OPCML: variants seen among roughly 807,000 people sequenced by gnomAD.
The protein encoded by OPCML is opioid-binding protein/cell adhesion molecule.
In OPCML, 13 loss-of-function variants were observed where a neutral mutation model predicts 37.8. That is an observed-to-expected ratio of 0.34 (90% CI 0.22 to 0.55). The LOEUF (loss-of-function observed/expected upper bound fraction) is 0.55. Among genes scored for constraint, OPCML ranks in the 20% least tolerant of loss-of-function variants. The probability of loss-of-function intolerance (pLI) is 0.91; values close to 1 mark genes in which losing one functional copy is unlikely to be tolerated. For missense variants in OPCML, 341 were observed against 435.6 expected, an observed-to-expected ratio of 0.78 and a Z score of 1.93; for synonymous variants, 176 against 168.8, an observed-to-expected ratio of 1.04 and a Z score of -0.33.
At chr11:132,494,061 G>A (rs1306612985) in intron 4 of OPCML, among the ~76,000 whole-genome samples, 2 of 152,190 alleles carry the variant, frequency 1.3e-5, no homozygotes, top group Admixed American at 6.5e-5. Flanking sequence ...AGCCTTACAG[G>A]CCTTCTGATT....
At chr11:132,549,490 G>A (rs369488008) in intron 3 of OPCML, among the ~76,000 whole-genome samples, 4 of 152,136 alleles carry the variant, frequency 2.6e-5, no homozygotes, top group African/African-American at 4.8e-5. Context: ...CTTTACATTC[G>A]TAATACACTT....
intron 1 of OPCML, among the ~76,000 whole-genome samples, chr11:133,400,845 T>G (rs1321712856): frequency 6.6e-6 from 1 of 152,130 alleles, no homozygotes; most frequent in Non-Finnish European, 1.5e-5. Context: ...AGTAGGTTCC[T>G]GAGAAAGCTG....
intron 2 of OPCML, among the ~76,000 whole-genome samples, chr11:132,924,427 C>A (rs1944921083): frequency 6.6e-6 from 1 of 152,272 alleles, no homozygotes; most frequent in South Asian, 2.1e-4. Context: ...CAGGTGTATA[C>A]CACTGCACCA....
At chr11:132,698,450 A>G (rs111958976) in intron 2 of OPCML, among the ~76,000 whole-genome samples, 2,577 of 152,180 alleles carry the variant, frequency 0.017, 66 homozygotes, top group African/African-American at 0.058. Context: ...ATTTTGAAAA[A>G]TGTCCGTTCA....
At chr11:133,269,473 C>CTGTA (rs1941757872) in intron 1 of OPCML, among the ~76,000 whole-genome samples, 1 of 152,228 alleles carries the variant, frequency 6.6e-6, no homozygotes, top group South Asian at 2.1e-4. Flanking sequence ...TGGTCACATT[C>CTGTA]TGTACCCTAG....
At chr11:132,604,253 A>T (rs1170591812) in intron 3 of OPCML, among the ~76,000 whole-genome samples, 1 of 150,518 alleles carries the variant, frequency 6.6e-6, no homozygotes, top group Middle Eastern at 3.2e-3. Flanking sequence ...GAACCAAATT[A>T]TCCCTTGCTT....
intron 1 of OPCML, among the ~76,000 whole-genome samples, chr11:133,369,593 C>T (rs1312688704): frequency 1.3e-5 from 2 of 152,178 alleles, no homozygotes; most frequent in Admixed American, 6.5e-5. Context: ...TCACAAAGTA[C>T]AGGAGTCATG....
chr11:133,006,492 C>T, intron 1 of OPCML: 1 of 985,406 alleles, frequency 1.0e-6, no homozygotes, highest in Non-Finnish European at 1.2e-6. Flanking sequence ...GTTTTATCTC[C>T]TTAATCATCA....
At chr11:132,438,059 T>C (rs2096019045) in intron 4 of OPCML, among the ~76,000 whole-genome samples, 1 of 152,350 alleles carries the variant, frequency 6.6e-6, no homozygotes, top group Non-Finnish European at 1.5e-5. Flanking sequence ...CTCAATTTGG[T>C]GGAGCTCCCT....
chr11:132,442,258 G>A (rs1299993997), intron 4 of OPCML, among the ~76,000 whole-genome samples: 1 of 152,184 alleles, frequency 6.6e-6, no homozygotes, highest in Non-Finnish European at 1.5e-5. Context: ...GGTGTAGTGA[G>A]TCAAACAGAT....
intron 1 of OPCML, chr11:133,361,661 G>A (rs1184901016): frequency 2.5e-5 from 4 of 159,332 alleles, no homozygotes; most frequent in African/African-American, 9.7e-5. Flanking sequence ...CGGGGCGCCT[G>A]CAGCTACTCC....
At position 132,942,968 on chromosome 11, in the gene OPCML, A is replaced by G. The variant is rs151109734; in HGVS notation, c.104T>C (p.Met35Thr). Residue 35 changes from methionine to threonine, a missense_variant, in exon 2 of 8, where the codon ATG (methionine) becomes ACG (threonine). Coordinates refer to ENST00000524381, the MANE Select transcript of OPCML (RefSeq NM_001012393.5). ...RSGDATFPKA[M>T]DNVTVRQGES... The stretch of plus-strand genomic sequence containing the variant: ...CCCCTGCCGGACCGTCACGTTGTCC[A>G]TAGCTTTGGGGAAGGTGGCATCTCC... The G allele has an allele frequency of 1.9e-6, 3 of 1,613,950 alleles. No individual in the cohort carries two copies. Among genetic ancestry groups the G allele is most frequent in the African/African-American group, 1.3e-5 (1 of 74,910 alleles).
At chr11:132,436,898 C>T (rs1020343036) in intron 5 of OPCML, 119 bp from the exon 6 acceptor site, 3 of 1,476,606 alleles carry the variant, frequency 2.0e-6, no homozygotes, top group Middle Eastern at 2.5e-4. Flanking sequence ...TTTCTTGTGA[C>T]AACCCTCTTT....
chr11:133,155,917 A>G (rs548841105), intron 1 of OPCML, among the ~76,000 whole-genome samples: 1 of 152,208 alleles, frequency 6.6e-6, no homozygotes, highest in East Asian at 1.9e-4. Flanking sequence ...TGACCTTTGT[A>G]CCTACTGAGT....
chr11:132,529,181 G>A lies in OPCML; in HGVS notation c.385C>T (p.Pro129Ser). ...SRVHLIVQVP[P>S]QIMNISSDIT... The stretch of plus-strand genomic sequence containing the variant: ...TCTGAGGAGATATTCATGATCTGAG[G>A]AGGAACTGTAAGGAAACAGGATAGA... Residue 129 changes from proline to serine, a missense_variant, in exon 4 of 8, where the codon CCT becomes TCT. Pro to Ser is a moderately conservative substitution (Grantham distance 74). Coordinates refer to ENST00000524381, the MANE Select transcript of OPCML (RefSeq NM_001012393.5). 6.2e-7 allele frequency: 1 copy of A among 1,609,316 alleles called. No homozygotes were observed. Among genetic ancestry groups the A allele is most frequent in the African/African-American group, 1.3e-5 (1 of 74,958 alleles).
chr11:132,831,805 T>C (rs1388603734), intron 2 of OPCML, among the ~76,000 whole-genome samples: 1 of 152,012 alleles, frequency 6.6e-6, no homozygotes, highest in Non-Finnish European at 1.5e-5. Context: ...TGTACAAACC[T>C]TGTGGCAATA....
At chr11:132,783,298 A>G (rs1185296408) in intron 2 of OPCML, among the ~76,000 whole-genome samples, 1 of 151,910 alleles carries the variant, frequency 6.6e-6, no homozygotes, top group East Asian at 1.9e-4. Flanking sequence ...AGAGTCACAC[A>G]TTTTCCATGT....
chr11:133,221,603 G>A (rs1178071419), intron 1 of OPCML, among the ~76,000 whole-genome samples: 1 of 152,196 alleles, frequency 6.6e-6, no homozygotes, highest in Non-Finnish European at 1.5e-5. Context: ...GCCCCTGTGT[G>A]AAGGTGCAAG....
intron 1 of OPCML, among the ~76,000 whole-genome samples, chr11:133,039,770 T>C (rs1947852040): frequency 6.6e-6 from 1 of 151,938 alleles, no homozygotes; most frequent in Non-Finnish European, 1.5e-5. Flanking sequence ...ATGTGAAAGA[T>C]TGGGGGAGGA....
Sources: allele counts gnomAD v4.1 joint callset (sites outside exome capture counted in the v4.1 genomes callset), GRCh38; gene constraint gnomAD v4.1.1; transcripts MANE v1.5; gene names NCBI Gene and HGNC (gene_info 2026-07-23, HGNC 2026-07-21).